Variants in HIPK2 observed in about 807,000 individuals in gnomAD.
The protein encoded by HIPK2 is homeodomain-interacting protein kinase 2.
In HIPK2, 27 loss-of-function variants were observed where a neutral mutation model predicts 113.7. That is an observed-to-expected ratio of 0.24 (90% CI 0.17 to 0.33). The LOEUF is 0.33. Among genes scored for constraint, HIPK2 ranks in the 10% least tolerant of loss-of-function variants. HIPK2 has a pLI of 1.00. For missense variants in HIPK2, 1,257 were observed against 1,588.0 expected (o/e 0.79, Z 3.54); for synonymous variants, 631 against 642.2 (o/e 0.98, Z 0.26).
chr7:139,581,330 C>T (rs1396594142), intron 13 of HIPK2, among the ~76,000 whole-genome samples: 1 of 152,224 alleles, frequency 6.6e-6, no homozygotes, highest in Non-Finnish European at 1.5e-5. Flanking sequence ...CGGGTGAAGG[C>T]AGCTTCAGAG....
intron 2 of HIPK2, among the ~76,000 whole-genome samples, chr7:139,710,648 A>G (rs541104012): frequency 6.6e-6 from 1 of 152,174 alleles, no homozygotes; most frequent in Non-Finnish European, 1.5e-5. Flanking sequence ...GACACTCAGT[A>G]ATGAATGTTT....
intron 6 of HIPK2, among the ~76,000 whole-genome samples, chr7:139,623,764 G>A (rs999411292): frequency 3.3e-5 from 5 of 152,028 alleles, no homozygotes; most frequent in Non-Finnish European, 5.9e-5. Context: ...AGAAAGGGGC[G>A]GGTCCAGCCT....
At position 139,565,952 on chromosome 7, in the gene HIPK2, CTT is replaced by C. The variant is rs1363440616; in HGVS notation, c.*6973_*6974del. 6.6e-6 allele frequency: 1 copy of C among 151,992 alleles called. No homozygotes were observed. The highest frequency in any genetic ancestry group is 6.6e-5 in the Admixed American group (1 of 15,258). The allele number at this position is 151,992 out of a possible 1,614,324, so 9.4% of individuals were successfully genotyped here. A position where few individuals can be genotyped will look rare whatever the true frequency, so the allele number is the denominator to read the frequency against. The stretch of plus-strand genomic sequence containing the variant: ...TAGAATTAACTATAAGCAAGAAAAA[CTT>C]ATTTTTTAAAGAAGAAAAGAATACT... On this transcript the variant is annotated 3_prime_UTR_variant, in exon 15 of 15. Coordinates refer to ENST00000406875, the MANE Select transcript of HIPK2 (RefSeq NM_022740.5).
At chr7:139,612,339 C>T (rs948965790) in intron 9 of HIPK2, among the ~76,000 whole-genome samples, 3 of 152,090 alleles carry the variant, frequency 2.0e-5, no homozygotes, top group Admixed American at 2.0e-4. Flanking sequence ...AAACTAATAA[C>T]ATTTAGGTCA....
chr7:139,701,589 G>A (rs1569477048), intron 2 of HIPK2, among the ~76,000 whole-genome samples: 1 of 152,298 alleles, frequency 6.6e-6, no homozygotes, highest in East Asian at 1.9e-4. Flanking sequence ...AGGGTGGCAG[G>A]CCATTCGTGT....
At chr7:139,649,036 C>T (rs796920457) in intron 2 of HIPK2, among the ~76,000 whole-genome samples, 1 of 151,916 alleles carries the variant, frequency 6.6e-6, no homozygotes, top group Admixed American at 6.6e-5. Flanking sequence ...TTCCTCTGTT[C>T]TTCTAAGGGG....
chr7:139,705,355 C>A (rs531653966), intron 2 of HIPK2, among the ~76,000 whole-genome samples: 51 of 152,156 alleles, frequency 3.4e-4, no homozygotes, highest in Non-Finnish European at 6.3e-4. Flanking sequence ...AAAGGGAAAA[C>A]TACTACCAAC....
chr7:139,739,074 A>T (rs1453835290), intron 1 of HIPK2, among the ~76,000 whole-genome samples: 3 of 152,168 alleles, frequency 2.0e-5, no homozygotes, highest in Non-Finnish European at 2.9e-5. Flanking sequence ...TCCATGAAGG[A>T]CTTGGCTACA....
intron 2 of HIPK2, among the ~76,000 whole-genome samples, chr7:139,713,221 C>G (rs1193197330): frequency 1.3e-5 from 2 of 152,112 alleles, no homozygotes; most frequent in African/African-American, 2.4e-5. Flanking sequence ...CCTACCACAC[C>G]CACCAGAGGC....
At chr7:139,644,900 C>T (rs1037877965) in intron 2 of HIPK2, among the ~76,000 whole-genome samples, 7 of 152,230 alleles carry the variant, frequency 4.6e-5, no homozygotes, top group African/African-American at 1.7e-4. Context: ...CTCTTCCACA[C>T]TAACACATTA....
chr7:139,765,101 A>G (rs1294061660), intron 1 of HIPK2, among the ~76,000 whole-genome samples: 3 of 151,456 alleles, frequency 2.0e-5, no homozygotes, highest in African/African-American at 7.3e-5. Context: ...ATGCCACTAC[A>G]CTCCAGTCTA....
chr7:139,593,353 C>A (rs1799090332), intron 12 of HIPK2, among the ~76,000 whole-genome samples: 1 of 152,208 alleles, frequency 6.6e-6, no homozygotes, highest in Admixed American at 6.5e-5. Flanking sequence ...TGCATGTTTG[C>A]TATGATTCTC....
intron 2 of HIPK2, among the ~76,000 whole-genome samples, chr7:139,699,628 G>T (rs1189447637): frequency 6.6e-6 from 1 of 152,198 alleles, no homozygotes; most frequent in Non-Finnish European, 1.5e-5. Flanking sequence ...GCTGGCATAG[G>T]TCCCTCTGCA....
rs112277918 is a variant in HIPK2 at position 139,618,529 on chromosome 7, C to T, written c.1782+1872G>A. Among the ~76,000 whole-genome samples the T allele has an allele frequency of 4.7e-3, 709 of 152,296 alleles. 4 individuals are homozygous for T. The highest frequency in any genetic ancestry group is 0.016 in the African/African-American group (659 of 41,544). On this transcript the variant is annotated intron_variant, in intron 7 of 14. Transcript: ENST00000406875. ...AGCCAGATCTGGATGGTCTCAGTGC[C>T]GTGGAGAAGACGGGTGTTCTTATTT... is the stretch of plus-strand genomic sequence containing the variant.
At chr7:139,757,256 C>A (rs928771661) in intron 1 of HIPK2, among the ~76,000 whole-genome samples, 7 of 152,118 alleles carry the variant, frequency 4.6e-5, no homozygotes, top group African/African-American at 1.7e-4. Context: ...AAAAACTCAC[C>A]CTGTAATTAT....
chr7:139,617,388 A>G (rs1361286594), intron 7 of HIPK2, among the ~76,000 whole-genome samples: 1 of 152,202 alleles, frequency 6.6e-6, no homozygotes, highest in Non-Finnish European at 1.5e-5. Flanking sequence ...TATTGATGAC[A>G]CAGGTTTTCC....
chr7:139,637,141 G>A (rs1007982663), intron 2 of HIPK2, among the ~76,000 whole-genome samples: 8 of 152,214 alleles, frequency 5.3e-5, no homozygotes, highest in African/African-American at 1.9e-4. Context: ...CGCAGCAGTG[G>A]CGCTGGTCAC....
intron 2 of HIPK2, among the ~76,000 whole-genome samples, chr7:139,660,416 T>C (rs1336263703): frequency 1.3e-5 from 2 of 152,246 alleles, no homozygotes; most frequent in African/African-American, 4.8e-5. Flanking sequence ...GGTTACAGCA[T>C]GACTCAGACT....
At chr7:139,591,834 G>C (rs932631707) in intron 12 of HIPK2, among the ~76,000 whole-genome samples, 1 of 152,246 alleles carries the variant, frequency 6.6e-6, no homozygotes, top group Admixed American at 6.5e-5. Context: ...ACTCAAGCCT[G>C]ATTCCCACGT....
Sources: gnomAD v4.1 joint callset for allele counts (sites outside exome capture counted in the v4.1 genomes callset) on GRCh38, gnomAD v4.1.1 for gene constraint, MANE v1.5 for transcripts, NCBI Gene and HGNC (gene_info 2026-07-23, HGNC 2026-07-21) for gene names.